The following CHN2 variants were observed in gnomAD, a reference collection of about 807,000 sequenced individuals.
CHN2 encodes chimerin 2, also known as beta-chimaerin.
A neutral mutation model predicts 56.3 loss-of-function variants in CHN2; 35 were observed. That is an observed-to-expected ratio of 0.62 (90% CI 0.47 to 0.82). The LOEUF is 0.82. Among genes scored for constraint, CHN2 ranks in the 40% least tolerant of loss-of-function variants. The probability of loss-of-function intolerance (pLI) is 0.00; values close to 1 mark genes in which losing one functional copy is unlikely to be tolerated. For synonymous variants in CHN2, 210 were observed against 212.8 expected (o/e 0.99, Z 0.12); for missense variants, 491 against 580.5 (o/e 0.85, Z 1.58).
intron 1 of CHN2, among the ~76,000 whole-genome samples, chr7:29,265,776 T>G (rs1790090760): frequency 6.6e-6 from 1 of 152,190 alleles, no homozygotes; most frequent in African/African-American, 2.4e-5. Flanking sequence ...AGGCTGTTGA[T>G]GTCAGCTACT....
intron 6 of CHN2, among the ~76,000 whole-genome samples, chr7:29,434,713 G>C (rs1190542847): frequency 6.6e-6 from 1 of 152,170 alleles, no homozygotes; most frequent in Non-Finnish European, 1.5e-5. Flanking sequence ...AGGTACTGGG[G>C]TTGAATATAT....
intron 1 of CHN2, chr7:29,209,090 A>G (rs1248184637): frequency 6.8e-6 from 1 of 147,916 alleles, no homozygotes; most frequent in Non-Finnish European, 1.5e-5. Context: ...TTAGGTGTGA[A>G]CCAATCACTG....
intron 6 of CHN2, among the ~76,000 whole-genome samples, chr7:29,434,105 A>G (rs1382192753): frequency 6.6e-6 from 1 of 152,142 alleles, no homozygotes; most frequent in Non-Finnish European, 1.5e-5. Flanking sequence ...GTGCACTAAG[A>G]TAGATTAGGT....
chr7:29,387,278 A>T (rs1800989704), intron 3 of CHN2, among the ~76,000 whole-genome samples: 1 of 152,218 alleles, frequency 6.6e-6, no homozygotes, highest in East Asian at 1.9e-4. Flanking sequence ...GCTCATTTTT[A>T]TAACCCCAGT....
chr7:29,287,602 C>T (rs1312266456), intron 1 of CHN2, among the ~76,000 whole-genome samples: 1 of 152,052 alleles, frequency 6.6e-6, no homozygotes, highest in East Asian at 1.9e-4. Context: ...TCATTTGAGC[C>T]CTATGCCAAG....
At chr7:29,377,004 GT>G (rs1046850983) in intron 3 of CHN2, among the ~76,000 whole-genome samples, 7 of 151,928 alleles carry the variant, frequency 4.6e-5, no homozygotes, top group Non-Finnish European at 1.0e-4. Context: ...TCAAATTCAG[GT>G]TTTTTTGTTT....
At chr7:29,393,649 AT>A in intron 3 of CHN2, 29 bp from the exon 4 acceptor site, 1 of 864,298 alleles carries the variant, frequency 1.2e-6, no homozygotes, top group Non-Finnish European at 1.7e-6. Context: ...ATTCAAATGC[AT>A]TATTAATTTT....
intron 3 of CHN2, among the ~76,000 whole-genome samples, chr7:29,372,334 A>G (rs901783901): frequency 2.6e-5 from 4 of 152,138 alleles, no homozygotes; most frequent in African/African-American, 9.7e-5. Context: ...AATTTCACGT[A>G]ATAAGAGGCC....
chr7:29,333,596 G>A (rs959523990), intron 1 of CHN2, among the ~76,000 whole-genome samples: 7 of 152,166 alleles, frequency 4.6e-5, no homozygotes, highest in South Asian at 2.1e-4. Context: ...AACATAATGC[G>A]CTAGCAGACT....
At chr7:29,323,649 G>A (rs1467797392) in intron 1 of CHN2, among the ~76,000 whole-genome samples, 2 of 152,102 alleles carry the variant, frequency 1.3e-5, no homozygotes, top group East Asian at 1.9e-4. Context: ...GCAGTTTAGG[G>A]GGAAGGGTGG....
At chr7:29,208,733 C>T (rs1192865956) in intron 1 of CHN2, 1 of 152,220 alleles carries the variant, frequency 6.6e-6, no homozygotes, top group Non-Finnish European at 1.5e-5. Context: ...CTGACCAGAC[C>T]ATTCCAGGAT....
intron 1 of CHN2, among the ~76,000 whole-genome samples, chr7:29,331,340 C>A (rs1796195223): frequency 1.3e-5 from 2 of 152,114 alleles, no homozygotes; most frequent in Admixed American, 1.3e-4. Context: ...CATTCCCAAC[C>A]CCGGGTCTGG....
chr7:29,159,916 G>A (rs1271930950), intron 2 of CHN2, among the ~76,000 whole-genome samples: 3 of 152,334 alleles, frequency 2.0e-5, no homozygotes, highest in South Asian at 2.1e-4. Flanking sequence ...GTGGAAGGAC[G>A]TAATTAATTG....
At chr7:29,491,326 T>G (rs1788643273) in intron 7 of CHN2, among the ~76,000 whole-genome samples, 1 of 152,204 alleles carries the variant, frequency 6.6e-6, no homozygotes, top group African/African-American at 2.4e-5. Context: ...CTACAATCAC[T>G]GTACTTTTCT....
At chr7:29,340,228 T>C (rs894368817) in intron 1 of CHN2, among the ~76,000 whole-genome samples, 2 of 152,218 alleles carry the variant, frequency 1.3e-5, no homozygotes, top group Non-Finnish European at 2.9e-5. Context: ...GAGTTTTAAT[T>C]TGTACAAATA....
chr7:29,260,573 CA>C (rs1429588741), intron 1 of CHN2, among the ~76,000 whole-genome samples: 1 of 152,060 alleles, frequency 6.6e-6, no homozygotes, highest in East Asian at 1.9e-4. Context: ...AAAAAGTGCC[CA>C]GGGCTTCCAC....
chr7:29,228,245 T>C (rs577778053), intron 1 of CHN2, among the ~76,000 whole-genome samples: 2 of 151,906 alleles, frequency 1.3e-5, no homozygotes, highest in South Asian at 4.2e-4. Context: ...TGCCACACCA[T>C]GATGTTTCCG....
At chr7:29,365,406 C>T (rs188965856) in intron 2 of CHN2, among the ~76,000 whole-genome samples, 1 of 152,124 alleles carries the variant, frequency 6.6e-6, no homozygotes, top group African/African-American at 2.4e-5. Context: ...TTGGAACTCA[C>T]ATCAATAAAT....
At chr7:29,422,598 GTATT>G (rs1187469296) in intron 6 of CHN2, among the ~76,000 whole-genome samples, 2 of 152,210 alleles carry the variant, frequency 1.3e-5, no homozygotes, top group Non-Finnish European at 2.9e-5. Context: ...TGAAAAAGGA[GTATT>G]TACTTAGAAA....
Sources: gnomAD v4.1 joint callset for allele counts (sites outside exome capture counted in the v4.1 genomes callset) on GRCh38, gnomAD v4.1.1 for gene constraint, MANE v1.5 for transcripts, NCBI Gene and HGNC (gene_info 2026-07-23, HGNC 2026-07-21) for gene names.